Variants in NCLN observed in about 807,000 individuals in gnomAD.
NCLN encodes nicalin.
Under a neutral mutation model 69.5 loss-of-function variants are expected in NCLN, and 34 were observed. The observed-to-expected ratio is 0.49, with a 90% CI of 0.37 to 0.65. NCLN has a LOEUF of 0.65. Ranked by LOEUF, NCLN falls within the 30% of genes least tolerant of loss-of-function variation. NCLN has a pLI of 0.00. For missense variants in NCLN, 710 were observed against 804.8 expected, an observed-to-expected ratio of 0.88 and a Z score of 1.42; for synonymous variants, 393 against 358.3, an observed-to-expected ratio of 1.10 and a Z score of -1.09.
chr19:3,204,876 G>T (rs1472115230), intron 9 of NCLN, 125 bp downstream of exon 9: 2 of 1,085,446 alleles, frequency 1.8e-6, no homozygotes, highest in Admixed American at 3.9e-5. Flanking sequence ...GCGAGGAAGG[G>T]GCCGGTGCGT....
chr19:3,196,718 G>C (rs972158732), intron 4 of NCLN, among the ~76,000 whole-genome samples: 3 of 152,250 alleles, frequency 2.0e-5, no homozygotes, highest in African/African-American at 4.8e-5. Flanking sequence ...AGAGTCAAGA[G>C]AGGGTGGGGA....
At chr19:3,202,406 C>T (rs990774567) in intron 6 of NCLN, among the ~76,000 whole-genome samples, 1 of 152,180 alleles carries the variant, frequency 6.6e-6, no homozygotes, top group African/African-American at 2.4e-5. Flanking sequence ...GGGTGCCACC[C>T]ACTCCATCCC....
At chr19:3,192,738 G>A (rs1330165276) in intron 2 of NCLN, 78 bp downstream of exon 2, 20 of 1,330,616 alleles carry the variant, frequency 1.5e-5, no homozygotes, top group East Asian at 2.8e-5. Flanking sequence ...GACCCTAGGC[G>A]GGTCACTTCG....
chr19:3,205,773 T>C lies in NCLN; in HGVS notation c.1209-166T>C, dbSNP rs539494999. On this transcript the variant is annotated intron_variant, in intron 9 of 14. Transcript: ENST00000246117. This position sits in a 1 kb window ranked among gnomAD's most constrained non-coding sequence, Gnocchi z 4.6. The stretch of plus-strand genomic sequence containing the variant: ...GGAGGTGTGGGGCCCCCAGTGAATC[T>C]GCATCTACATGTTAGCCAAGTAGTT... 3.0e-6 allele frequency: 2 copies of C among 667,928 alleles called. No homozygotes were observed. The highest frequency in any genetic ancestry group is 2.7e-5 in the East Asian group (1 of 36,596). The allele number at this position is 667,928 out of a possible 1,614,324, so 41.4% of individuals were successfully genotyped here.
At chr19:3,188,717 C>T (rs1013250653) in intron 1 of NCLN, among the ~76,000 whole-genome samples, 1 of 152,246 alleles carries the variant, frequency 6.6e-6, no homozygotes, top group Admixed American at 6.5e-5. Flanking sequence ...CTGTATGTGG[C>T]ATTCGCCCAG....
intron 1 of NCLN, among the ~76,000 whole-genome samples, chr19:3,192,092 G>T (rs1915840494): frequency 6.6e-6 from 1 of 152,222 alleles, no homozygotes; most frequent in Non-Finnish European, 1.5e-5. Flanking sequence ...GGAGGCTGCG[G>T]CAGGAGAATA....
At chr19:3,189,668 T>C (rs1171025633) in intron 1 of NCLN, among the ~76,000 whole-genome samples, 3 of 152,010 alleles carry the variant, frequency 2.0e-5, no homozygotes. Context: ...TCTGAGGGAG[T>C]TGGTGCTGGT....
chr19:3,194,968 A>T (rs1915919604), intron 3 of NCLN, among the ~76,000 whole-genome samples: 1 of 151,930 alleles, frequency 6.6e-6, no homozygotes, highest in Non-Finnish European at 1.5e-5. Context: ...GAGGGCCTGG[A>T]GTCCAAGATT....
At chr19:3,187,899 C>T (rs552714725) in intron 1 of NCLN, among the ~76,000 whole-genome samples, 2 of 152,240 alleles carry the variant, frequency 1.3e-5, no homozygotes, top group Non-Finnish European at 2.9e-5. Flanking sequence ...AGGGTCCTGA[C>T]GGGCACCATC....
At chr19:3,192,360 T>TGGGCTGGGGCTG (rs11267342) in intron 1 of NCLN, 110 bp from the exon 2 acceptor site, 2 of 848,236 alleles carry the variant, frequency 2.4e-6, no homozygotes, top group Non-Finnish European at 1.7e-6. Flanking sequence ...TTCCAGGTTG[T>TGGGCTGGGGCTG]GGGCTGGGGC....
At chr19:3,193,823 T>C (rs927260412) in intron 3 of NCLN, among the ~76,000 whole-genome samples, 2 of 152,212 alleles carry the variant, frequency 1.3e-5, no homozygotes, top group African/African-American at 4.8e-5. Context: ...GCGTCGGCGG[T>C]GTCCTTACGG....
At chr19:3,198,767 G>T in intron 4 of NCLN, 50 bp from the exon 5 acceptor site, 1 of 1,498,668 alleles carries the variant, frequency 6.7e-7, no homozygotes, top group Non-Finnish European at 9.1e-7. Context: ...CCACACACGG[G>T]TCACCTGCCC....
chr19:3,201,425 G>T, intron 5 of NCLN, 98 bp from the exon 6 acceptor site: 1 of 805,508 alleles, frequency 1.2e-6, no homozygotes, highest in South Asian at 1.6e-5. Context: ...AGTAGGGTGG[G>T]GGTGACGGAG....
At chr19:3,195,495 C>T (rs932906083) in intron 3 of NCLN, among the ~76,000 whole-genome samples, 5 of 152,134 alleles carry the variant, frequency 3.3e-5, no homozygotes, top group African/African-American at 4.8e-5. Context: ...GTGATTCGCC[C>T]GCCTCGGCCT....
In NCLN at chr19:3,189,528, CGATA is replaced by C. The variant is rs562312887; in HGVS notation, c.185-2935_185-2932del. On this transcript the variant is annotated intron_variant, in intron 1 of 14. Transcript: ENST00000246117. ...GGGGAAAGGTTGGCCGTCTGGCCCC[CGATA>C]GATAGACAGGTGCCCAGGCCACTGT... Among the ~76,000 whole-genome samples, 266 of 152,350 alleles carry C rather than the reference CGATA, an allele frequency of 1.7e-3. 2 individuals carry two copies. The highest frequency in any genetic ancestry group is 6.2e-3 in the African/African-American group (256 of 41,574).
chr19:3,207,905 G>A lies in NCLN; in HGVS notation c.*217G>A, dbSNP rs1008598247. Reference sequence around the variant, plus strand: ...CTTTTCCTTGTCTTTGAACTTCCTTGGAGGAGAGCTTGGGAGACGTCCCGG... The same window carrying A: ...CTTTTCCTTGTCTTTGAACTTCCTTAGAGGAGAGCTTGGGAGACGTCCCGG... On this transcript the variant is annotated 3_prime_UTR_variant, in exon 15 of 15. Transcript: ENST00000246117. 1 of 566,948 alleles carries A rather than the reference G, an allele frequency of 1.8e-6. No individual in the cohort carries two copies. Among genetic ancestry groups the A allele is most frequent in the Non-Finnish European group, 3.1e-6 (1 of 317,566 alleles). The allele number at this position is 566,948 out of a possible 1,614,324, so 35.1% of individuals were successfully genotyped here.
intron 12 of NCLN, 38 bp downstream of exon 12, chr19:3,206,463 G>T: frequency 1.3e-6 from 2 of 1,522,016 alleles, no homozygotes. Flanking sequence ...GTTCAGCCTG[G>T]GGCCGAGGGG....
chr19:3,186,513 C>G (rs1046843403), intron 1 of NCLN, among the ~76,000 whole-genome samples: 3 of 152,188 alleles, frequency 2.0e-5, no homozygotes, highest in African/African-American at 7.2e-5. Flanking sequence ...GCCCTAAGTC[C>G]CCTCTCTCCT....
chr19:3,203,687 A>T, intron 6 of NCLN, 69 bp from the exon 7 acceptor site: 1 of 1,398,342 alleles, frequency 7.2e-7, no homozygotes, highest in Non-Finnish European at 9.9e-7. Flanking sequence ...GGGACCTGTG[A>T]CCTGGCCTGG....
Sources: allele counts gnomAD v4.1 joint callset (sites outside exome capture counted in the v4.1 genomes callset), GRCh38; gene constraint gnomAD v4.1.1; non-coding constraint Gnocchi (gnomAD v3.1); transcripts MANE v1.5; gene names NCBI Gene and HGNC (gene_info 2026-07-23, HGNC 2026-07-21).